C1orf54: variants seen among roughly 807,000 people sequenced by gnomAD.
C1orf54 encodes the protein uncharacterized protein C1orf54.
C1orf54 carries 12 observed loss-of-function variants against 14.7 expected under a neutral mutation model. That is an observed-to-expected ratio of 0.82 (90% CI 0.52 to 1.32). The LOEUF is 1.32. Ranked by LOEUF, C1orf54 falls within the 40% of genes most tolerant of loss-of-function variation. The pLI, the probability that C1orf54 is intolerant of heterozygous loss-of-function variation, is 0.00. For missense variants in C1orf54, 163 were observed against 162.2 expected (o/e 1.00, Z -0.03); for synonymous variants, 65 against 56.3 (o/e 1.16, Z -0.70).
upstream of C1orf54, chr1:150,272,691 C>T: frequency 1.1e-6 from 1 of 940,084 alleles, no homozygotes; most frequent in Non-Finnish European, 1.7e-6. Context: ...GGAGTTCTGC[C>T]CCCTGGGAGG....
chr1:150,274,065 C>T (rs1652429201), intron 1 of C1orf54, 22 bp from the exon 2 acceptor site: 8 of 1,565,790 alleles, frequency 5.1e-6, no homozygotes, highest in South Asian at 3.3e-5. Context: ...TGTCCCTTGA[C>T]CTCTAGTCCT....
At chr1:150,271,323 G>A (rs1652193636), upstream of C1orf54, among the ~76,000 whole-genome samples, 1 of 152,118 alleles carries the variant, frequency 6.6e-6, no homozygotes, top group Non-Finnish European at 1.5e-5. Flanking sequence ...ATGTTGGCCA[G>A]GCTGATCTCC....
upstream of C1orf54, among the ~76,000 whole-genome samples, chr1:150,270,170 G>A (rs1255549509): frequency 1.3e-4 from 19 of 142,834 alleles, no homozygotes; most frequent in Non-Finnish European, 2.4e-4. Flanking sequence ...CTGGAATATT[G>A]TTTTTGAAAG....
chr1:150,268,888 C>T (rs1261854263), upstream of C1orf54: 4 of 1,327,052 alleles, frequency 3.0e-6, no homozygotes, highest in Admixed American at 8.5e-5. Context: ...GGGGAGTCCG[C>T]GTGGGGTGGC....
chr1:150,280,923 T>C (rs782698558), downstream of C1orf54: 11 of 1,526,344 alleles, frequency 7.2e-6, no homozygotes. Flanking sequence ...ATAATCTGGT[T>C]ACCATCTACT....
upstream of C1orf54, chr1:150,269,124 G>T: frequency 3.4e-6 from 1 of 295,918 alleles, no homozygotes; most frequent in Non-Finnish European, 6.7e-6. Context: ...GCTGGGAGTT[G>T]TAGTCGCCTT....
upstream of C1orf54, among the ~76,000 whole-genome samples, chr1:150,269,888 T>C (rs1652076012): frequency 6.6e-6 from 1 of 151,940 alleles, no homozygotes; most frequent in Non-Finnish European, 1.5e-5. Context: ...AATACAAAAA[T>C]TAGCCAGATG....
In C1orf54 at chr1:150,275,757, T is replaced by C; in HGVS notation, c.147T>C (p.Asp49=). 1 of 1,612,380 alleles carries C rather than the reference T, an allele frequency of 6.2e-7. No homozygotes were observed. Among genetic ancestry groups the C allele is most frequent in the Non-Finnish European group, 8.5e-7 (1 of 1,178,462 alleles). Residue 49 remains aspartate, a synonymous_variant, in exon 3 of 6, where the codon GAT becomes GAC. Transcript: ENST00000369099. ...VTPSYDDFSA[D]FTIDYSIFES... is the part of the protein sequence containing the mutation. ...CCTCTGCAGATGACTTTAGTGCAGA[T>C]TTCACCATTGATTACTCCATATTTG...
rs1553852544 is a variant in C1orf54 at position 150,276,593 on chromosome 1, T to C, written c.261T>C (p.His87=). The change falls in exon 4 of 6, where the codon CAT becomes CAC. Residue 87 remains histidine (H), a synonymous_variant. Coordinates refer to ENST00000369099, the MANE Select transcript of C1orf54 (RefSeq NM_024579.4). The stretch of plus-strand genomic sequence containing the variant: ...GTCTTGAAACAGCACGTGCAGACCA[T>C]CCGAAGCCTGTAACTGTGAAACCAG... The part of the protein sequence containing the change: ...TISLETARAD[H]PKPVTVKPVT... 1 of 1,613,954 alleles carries C rather than the reference T, an allele frequency of 6.2e-7. No homozygotes were observed. Among genetic ancestry groups the C allele is most frequent in the Non-Finnish European group, 8.5e-7 (1 of 1,179,984 alleles).
Position 150,280,455 on chromosome 1 carries a change from G to T in C1orf54, c.*4-380G>T, listed in dbSNP as rs587658262. ...TCAAAGCTAGTTCCAGCCTGGCCACGTTTCAAGTCATGGCGAATGCCAGAG... is the reference window on the plus strand; with the variant it reads ...TCAAAGCTAGTTCCAGCCTGGCCACTTTTCAAGTCATGGCGAATGCCAGAG... On this transcript the variant is annotated intron_variant, in intron 5 of 5. Coordinates refer to ENST00000369099, the MANE Select transcript of C1orf54 (RefSeq NM_024579.4). Among the ~76,000 whole-genome samples, 17 of 152,312 alleles carry T rather than the reference G, an allele frequency of 1.1e-4. No individual in the cohort carries two copies. In the South Asian group the frequency reaches 1.9e-3, roughly 17 times the overall value.
chr1:150,280,340 T>C (rs926360008), intron 5 of C1orf54, among the ~76,000 whole-genome samples: 5 of 152,260 alleles, frequency 3.3e-5, no homozygotes, highest in Non-Finnish European at 7.3e-5. Context: ...CATTACTTTT[T>C]CTGAACTAAG....
intron 3 of C1orf54, 70 bp from the exon 4 acceptor site, chr1:150,276,449 AAGT>A (rs1258168754): frequency 2.2e-5 from 28 of 1,259,072 alleles, no homozygotes; most frequent in Middle Eastern, 1.9e-4. Flanking sequence ...GGAGAACTTT[AAGT>A]AGAGAATCTA....
upstream of C1orf54, chr1:150,269,499 GTATA>G (rs1652049510): frequency 6.6e-6 from 1 of 152,218 alleles, no homozygotes; most frequent in Non-Finnish European, 1.5e-5. Flanking sequence ...ATGGAATACA[GTATA>G]TCGCTAATGA....
chr1:150,280,711 G>A, intron 5 of C1orf54, 124 bp from the exon 6 acceptor site: 1 of 713,860 alleles, frequency 1.4e-6, no homozygotes, highest in Non-Finnish European at 2.4e-6. Context: ...ATCTTTCCCA[G>A]GAGCTATCAC....
intron 4 of C1orf54, 118 bp downstream of exon 4, chr1:150,276,750 C>T: frequency 1.3e-6 from 1 of 750,338 alleles, no homozygotes; most frequent in Non-Finnish European, 2.3e-6. Context: ...ATTAGTACTT[C>T]ATTGCAGGTA....
At chr1:150,278,477 G>C (rs1233802903) in intron 4 of C1orf54, among the ~76,000 whole-genome samples, 2 of 152,144 alleles carry the variant, frequency 1.3e-5, no homozygotes, top group African/African-American at 4.8e-5. Context: ...CAGGGCTAGA[G>C]TTCTAAGTGC....
chr1:150,268,926 A>G (rs1340198796), upstream of C1orf54: 2 of 849,158 alleles, frequency 2.4e-6, no homozygotes, highest in African/African-American at 1.7e-5. Context: ...GGCGCGGTGC[A>G]ATGTCACCCC....
chr1:150,272,479 C>T (rs1208842375), upstream of C1orf54: 4 of 241,860 alleles, frequency 1.7e-5, no homozygotes, highest in Non-Finnish European at 2.4e-5. Flanking sequence ...GAAGGAAAGC[C>T]GGGAGAGGGG....
chr1:150,279,839 G>A lies in C1orf54; in HGVS notation c.*3+98G>A, dbSNP rs978643524. ...TAATTCTTACCAGTATCTCTAGTTAGTGTTTCCAGCCTGGTCAATTATCAG... is the reference window on the plus strand; with the variant it reads ...TAATTCTTACCAGTATCTCTAGTTAATGTTTCCAGCCTGGTCAATTATCAG... On this transcript the variant is annotated intron_variant, in intron 5 of 5. Transcript: ENST00000369099. The A allele has an allele frequency of 4.8e-6, 5 of 1,037,520 alleles. No individual in the cohort carries two copies. In the South Asian group the frequency reaches 7.6e-5, roughly 16 times the overall value. The allele number at this position is 1,037,520 out of a possible 1,614,324, so 64.3% of individuals were successfully genotyped here. A position where few individuals can be genotyped will look rare whatever the true frequency, so the allele number is the denominator to read the frequency against.
Sources: gnomAD v4.1 joint callset for allele counts (sites outside exome capture counted in the v4.1 genomes callset) on GRCh38, gnomAD v4.1.1 for gene constraint, MANE v1.5 for transcripts, NCBI Gene and HGNC (gene_info 2026-07-23, HGNC 2026-07-21) for gene names.